The following ERAP1 variants were observed in gnomAD, a reference collection of about 807,000 sequenced individuals.
ERAP1 encodes the protein adipocyte-derived leucine aminopeptidase.
Under a neutral mutation model 103.7 loss-of-function variants are expected in ERAP1, and 86 were observed. That is an observed-to-expected ratio of 0.83 (90% CI 0.70 to 0.99). The LOEUF (loss-of-function observed/expected upper bound fraction) is 0.99. Ranked by LOEUF, ERAP1 falls within the 50% of genes least tolerant of loss-of-function variation. ERAP1 has a pLI of 0.00. For synonymous variants in ERAP1, 398 were observed against 402.4 expected (o/e 0.99, Z 0.13); for missense variants, 1,009 against 1,128.4 (o/e 0.89, Z 1.52).
rs26653 is a variant in ERAP1 at position 96,803,547 on chromosome 5, C to T, written c.380G>A (p.Arg127His). ...EEPLQVLEHP[R>H]QEQIALLAPE... The stretch of plus-strand genomic sequence containing the variant: ...AGCCAGCAGTGCAATTTGCTCCTGA[C>T]GGGGGTGTTCCAGGACCTGCAGGGG... Residue 127 changes from arginine to histidine, a missense_variant, in exon 2 of 19, where the codon CGT becomes CAT. This residue lies in a region of ERAP1 where 392 missense variants were observed against 455.2 expected (regional missense o/e 0.86). Coordinates refer to ENST00000443439, the MANE Select transcript of ERAP1 (RefSeq NM_001040458.3). 5.0e-6 allele frequency: 8 copies of T among 1,613,444 alleles called. No individual in the cohort carries two copies. The East Asian group carries it at 1.1e-4, about 22-fold the overall frequency.
the ERAP1 span, among the ~76,000 whole-genome samples, chr5:96,898,745 A>C: frequency 2.0e-5 from 3 of 152,050 alleles, no homozygotes; most frequent in Non-Finnish European, 4.4e-5. Context: ...CTTAAAACAA[A>C]ACAAAACAAA....
At chr5:96,767,520 T>G in intron 19 of ERAP1, 2 of 1,558,888 alleles carry the variant, frequency 1.3e-6, no homozygotes, top group Non-Finnish European at 1.8e-6. Context: ...TAAATTTTGT[T>G]TTATTCTAGC....
the ERAP1 span, among the ~76,000 whole-genome samples, chr5:96,879,376 T>A: frequency 1.3e-5 from 2 of 152,082 alleles, no homozygotes; most frequent in Non-Finnish European, 2.9e-5. Flanking sequence ...TTTGGGGGAG[T>A]CCTAAAGGGT....
At chr5:96,824,800 G>T in the ERAP1 span, among the ~76,000 whole-genome samples, 11 of 152,200 alleles carry the variant, frequency 7.2e-5, no homozygotes, top group Non-Finnish European at 1.3e-4. Flanking sequence ...TGTAATCCCA[G>T]CACTTTGGGA....
At chr5:96,931,557 T>C in the ERAP1 span, among the ~76,000 whole-genome samples, 1 of 152,222 alleles carries the variant, frequency 6.6e-6, no homozygotes, top group Admixed American at 6.5e-5. Context: ...CATGAAAGAA[T>C]GCTCTAGTAG....
chr5:96,769,848 T>G (rs911773519), downstream of ERAP1: 2 of 149,706 alleles, frequency 1.3e-5, no homozygotes, highest in Admixed American at 6.8e-5. Context: ...GTGTCTGGCT[T>G]ATATCATCTA....
chr5:96,786,081 T>G (rs1007163142), intron 12 of ERAP1, 110 bp from the exon 13 acceptor site: 12 of 1,017,074 alleles, frequency 1.2e-5, no homozygotes, highest in Non-Finnish European at 1.5e-5. Flanking sequence ...ACTGAAAAAT[T>G]TGAAAACATC....
At chr5:96,783,337 G>T in intron 14 of ERAP1, 102 bp from the exon 15 acceptor site, 1 of 1,089,926 alleles carries the variant, frequency 9.2e-7, no homozygotes, top group Non-Finnish European at 1.3e-6. Context: ...AATTTTTAAA[G>T]CATAATCTAA....
intron 19 of ERAP1, chr5:96,767,761 TTACAA>T (rs1302335692): frequency 6.3e-6 from 4 of 630,090 alleles, no homozygotes; most frequent in East Asian, 2.7e-5. Context: ...TCTATCTCCT[TTACAA>T]TACATTATTA....
At chr5:96,763,330 C>T in intron 19 of ERAP1, 1 of 766,778 alleles carries the variant, frequency 1.3e-6, no homozygotes, top group Admixed American at 1.7e-5. Context: ...CACTTAAAAC[C>T]AGTAAAATGC....
chr5:96,932,047 T>C, the ERAP1 span, among the ~76,000 whole-genome samples: 1 of 152,224 alleles, frequency 6.6e-6, no homozygotes, highest in Non-Finnish European at 1.5e-5. Context: ...CTGCGTTTTT[T>C]TGCTAATGCC....
chr5:96,776,643 T>TGTC, intron 18 of ERAP1, 92 bp from the exon 19 acceptor site: 1 of 1,545,630 alleles, frequency 6.5e-7, no homozygotes, highest in Admixed American at 1.9e-5. Flanking sequence ...TTCCAGCATT[T>TGTC]GTCAAAATTC....
At chr5:96,848,370 A>G in the ERAP1 span, among the ~76,000 whole-genome samples, 1 of 152,188 alleles carries the variant, frequency 6.6e-6, no homozygotes, top group Non-Finnish European at 1.5e-5. Flanking sequence ...TTTTCTGAAA[A>G]GCCAAACAAA....
chr5:96,765,241 T>G, intron 19 of ERAP1: 1 of 1,603,240 alleles, frequency 6.2e-7, no homozygotes, highest in Non-Finnish European at 8.5e-7. Flanking sequence ...AAGACCTCGA[T>G]GATGCCTTGG....
At position 96,793,917 on chromosome 5, in the gene ERAP1, T is replaced by C. The variant is rs766452416; in HGVS notation, c.960A>G (p.Glu320=). ...AIPDFQSGAM[E]NWGLTTYRES... ...CTCTATATGTTGTCAGTCCCCAGTT[T>C]TCCATAGCACCAGACTGAAAGTCGG... Residue 320 remains glutamate (E), a synonymous_variant, in exon 6 of 19, where the codon GAA becomes GAG. Transcript: ENST00000443439. 10 of 1,614,170 alleles carry C rather than the reference T, an allele frequency of 6.2e-6. No individual in the cohort carries two copies. In the South Asian group the frequency reaches 1.1e-4, roughly 18 times the overall value.
chr5:96,793,330 G>A (rs764009569), intron 7 of ERAP1, 70 bp downstream of exon 7: 1 of 1,036,556 alleles, frequency 9.6e-7, no homozygotes, highest in Non-Finnish European at 1.5e-6. Context: ...AAAGATTAGT[G>A]AATATTTTCC....
the ERAP1 span, chr5:96,917,596 T>C: frequency 6.2e-7 from 1 of 1,611,474 alleles, no homozygotes; most frequent in African/African-American, 1.3e-5. Flanking sequence ...GGCTAATGGT[T>C]AATACTTAAA....
intron 7 of ERAP1, 54 bp from the exon 8 acceptor site, chr5:96,792,246 A>G: frequency 6.3e-7 from 1 of 1,586,552 alleles, no homozygotes. Context: ...TAGATAAAAA[A>G]TGTCAAAGGT....
intron 3 of ERAP1, among the ~76,000 whole-genome samples, chr5:96,800,359 T>A (rs1777846849): frequency 6.6e-6 from 1 of 152,234 alleles, no homozygotes; most frequent in Non-Finnish European, 1.5e-5. Context: ...AGCACCATAA[T>A]ATTTGGAAAA....
Sources: gnomAD v4.1 joint callset for allele counts (sites outside exome capture counted in the v4.1 genomes callset) on GRCh38, gnomAD v4.1.1 for gene constraint, gnomAD v4.1.1 regional missense constraint, MANE v1.5 for transcripts, NCBI Gene and HGNC (gene_info 2026-07-23, HGNC 2026-07-21) for gene names.